VKORC1L1: variants seen among roughly 807,000 people sequenced by gnomAD.
VKORC1L1 encodes the protein vitamin K epoxide reductase complex subunit 1L1, also known as vitamin K epoxide reductase complex subunit 1-like protein 1.
Under a neutral mutation model 18.9 loss-of-function variants are expected in VKORC1L1, and 2 were observed. The observed-to-expected ratio is 0.11, with a 90% CI of 0.04 to 0.33. VKORC1L1 has a LOEUF of 0.33. VKORC1L1 is among the 10% of genes least tolerant of loss of function. The pLI is 1.00. For missense variants in VKORC1L1, 123 were observed against 224.1 expected, an observed-to-expected ratio of 0.55 and a Z score of 2.88; for synonymous variants, 96 against 100.0, an observed-to-expected ratio of 0.96 and a Z score of 0.24.
At chr7:65,866,596 C>T in the VKORC1L1 span, among the ~76,000 whole-genome samples, 1 of 152,154 alleles carries the variant, frequency 6.6e-6, no homozygotes, top group Non-Finnish European at 1.5e-5. Context: ...AACACAGAGA[C>T]AGTTAGGTTA....
chr7:65,923,402 A>G (rs1306852452), intron 1 of VKORC1L1, among the ~76,000 whole-genome samples: 5 of 151,932 alleles, frequency 3.3e-5, no homozygotes, highest in African/African-American at 1.2e-4. Context: ...CCCTGTCTCA[A>G]AAAGAAAAAA....
At chr7:65,932,697 T>A (rs1311836890) in intron 1 of VKORC1L1, among the ~76,000 whole-genome samples, 1 of 152,232 alleles carries the variant, frequency 6.6e-6, no homozygotes, top group Non-Finnish European at 1.5e-5. Context: ...CAATTTCAGT[T>A]ATTTTAAACT....
upstream of VKORC1L1, among the ~76,000 whole-genome samples, chr7:65,873,052 C>T (rs1378310145): frequency 8.9e-5 from 13 of 146,550 alleles, no homozygotes; most frequent in African/African-American, 3.2e-4. Context: ...ACCGGCCGCG[C>T]GGCGCAGCGC....
At chr7:65,885,460 GT>G (rs893201155) in intron 1 of VKORC1L1, among the ~76,000 whole-genome samples, 49 of 142,958 alleles carry the variant, frequency 3.4e-4, no homozygotes, top group African/African-American at 9.7e-4. Flanking sequence ...ATTTATAGTT[GT>G]TTTTTTTTTC....
intron 1 of VKORC1L1, among the ~76,000 whole-genome samples, chr7:65,918,324 C>T (rs1344253587): frequency 5.9e-5 from 9 of 152,204 alleles, no homozygotes. Flanking sequence ...GAGGGTTTCA[C>T]ATAAAGGACA....
At chr7:65,935,971 ATTC>A (rs1274471846) in intron 1 of VKORC1L1, among the ~76,000 whole-genome samples, 1 of 150,822 alleles carries the variant, frequency 6.6e-6, no homozygotes, top group African/African-American at 2.4e-5. Flanking sequence ...TTAAGTCTCT[ATTC>A]TTTTTTTTTT....
intron 1 of VKORC1L1, among the ~76,000 whole-genome samples, chr7:65,883,843 A>T (rs1301573825): frequency 6.6e-6 from 1 of 152,170 alleles, no homozygotes; most frequent in East Asian, 1.9e-4. Context: ...ATTTAGAAAA[A>T]TGTTCTTGTA....
rs76907666 is a variant in VKORC1L1 at position 65,933,957 on chromosome 7, C to T, written c.195-14714C>T. On this transcript the variant is annotated intron_variant, in intron 1 of 2. Coordinates refer to ENST00000360768, the MANE Select transcript of VKORC1L1 (RefSeq NM_173517.6). ...ATATAAAGATTCCTTAATCCTCCCC[C>T]GCCTTATGTTATAATTGTCATTTGT... Among the ~76,000 whole-genome samples, 991 of 152,210 alleles carry T rather than the reference C, an allele frequency of 6.5e-3. 3 individuals are homozygous for T. Among genetic ancestry groups the T allele is most frequent in the Middle Eastern group, 0.014 (4 of 294 alleles).
chr7:65,878,372 G>A (rs1788866087), intron 1 of VKORC1L1, among the ~76,000 whole-genome samples: 1 of 152,124 alleles, frequency 6.6e-6, no homozygotes, highest in African/African-American at 2.4e-5. Flanking sequence ...ACTTGAACCC[G>A]GGAGGTGGAG....
intron 1 of VKORC1L1, among the ~76,000 whole-genome samples, chr7:65,940,079 G>A (rs1025774821): frequency 1.3e-5 from 2 of 151,876 alleles, no homozygotes; most frequent in Admixed American, 6.6e-5. Flanking sequence ...GGCCGGAATG[G>A]AGCGATGTGA....
In VKORC1L1 at chr7:65,959,475, A is replaced by G. The variant is rs1369603482; in HGVS notation, c.*5175A>G. ...CTAAAGAGAAGTTGATAAAAAAAAT[A>G]CAGAAGCTCTAGATTCCTAATTGGA... On this transcript the variant is annotated 3_prime_UTR_variant, in exon 3 of 3. Transcript: ENST00000360768. 1 of 152,270 alleles carries G rather than the reference A, an allele frequency of 6.6e-6. No individual in the cohort carries two copies. Among genetic ancestry groups the G allele is most frequent in the Non-Finnish European group, 1.5e-5 (1 of 68,056 alleles). 9.4% of individuals were successfully genotyped at this position (152,270 alleles called of 1,614,324 possible).
At chr7:65,917,425 C>T (rs778354501) in intron 1 of VKORC1L1, among the ~76,000 whole-genome samples, 3 of 152,114 alleles carry the variant, frequency 2.0e-5, no homozygotes, top group Non-Finnish European at 4.4e-5. Flanking sequence ...TTCTGTCTAC[C>T]TCTCCTTCCT....
At chr7:65,886,829 G>A (rs573766767) in intron 1 of VKORC1L1, among the ~76,000 whole-genome samples, 15 of 135,402 alleles carry the variant, frequency 1.1e-4, no homozygotes, top group Non-Finnish European at 2.0e-4. Flanking sequence ...GAGCCACTGC[G>A]CCTGTCCGAG....
At chr7:65,908,941 G>A (rs1386105071) in intron 1 of VKORC1L1, among the ~76,000 whole-genome samples, 2 of 151,038 alleles carry the variant, frequency 1.3e-5, no homozygotes, top group African/African-American at 4.9e-5. Context: ...ACAAGCTCAT[G>A]TAATTTATTC....
chr7:65,892,773 C>G (rs537285342), intron 1 of VKORC1L1, among the ~76,000 whole-genome samples: 1 of 152,312 alleles, frequency 6.6e-6, no homozygotes, highest in African/African-American at 2.4e-5. Context: ...CTACCTTGGT[C>G]ATAAATCAGG....
Position 65,959,461 on chromosome 7 carries a change from T to TTGA in VKORC1L1, c.*5163_*5165dup, listed in dbSNP as rs1271580285. The stretch of plus-strand genomic sequence containing the variant: ...ATTCCTTTGAAAAACTAAAGAGAAG[T>TTGA]TGATAAAAAAAATACAGAAGCTCTA... On this transcript the variant is annotated 3_prime_UTR_variant, in exon 3 of 3. Coordinates refer to ENST00000360768, the MANE Select transcript of VKORC1L1 (RefSeq NM_173517.6). The TTGA allele has an allele frequency of 1.3e-5, 2 of 152,130 alleles. No homozygotes were observed. Among genetic ancestry groups the TTGA allele is most frequent in the African/African-American group, 4.8e-5 (2 of 41,440 alleles). 9.4% of individuals were successfully genotyped at this position (152,130 alleles called of 1,614,324 possible).
At chr7:65,929,805 T>C (rs983365997) in intron 1 of VKORC1L1, among the ~76,000 whole-genome samples, 4 of 151,226 alleles carry the variant, frequency 2.6e-5, no homozygotes, top group Non-Finnish European at 4.4e-5. Flanking sequence ...GCTGGGATTG[T>C]AGTTGTGAGC....
intron 1 of VKORC1L1, among the ~76,000 whole-genome samples, chr7:65,898,325 C>T (rs1195984203): frequency 6.6e-6 from 1 of 151,886 alleles, no homozygotes; most frequent in Non-Finnish European, 1.5e-5. Flanking sequence ...ACTTCATGAT[C>T]CACCCACCTC....
At position 65,928,833 on chromosome 7, in the gene VKORC1L1, C is replaced by T. The variant is rs370103467; in HGVS notation, c.195-19838C>T. Among the ~76,000 whole-genome samples, 19 of 152,276 alleles carry T rather than the reference C, an allele frequency of 1.2e-4. No individual in the cohort carries two copies. The South Asian group carries it at 3.7e-3, about 30-fold the overall frequency. On this transcript the variant is annotated intron_variant, in intron 1 of 2. Coordinates refer to ENST00000360768, the MANE Select transcript of VKORC1L1 (RefSeq NM_173517.6). ...GGAAACTCCCAATTTGATTTCCATACTATTTTGTGTGACCACCAGCAATGT... is the reference window on the plus strand; with the variant it reads ...GGAAACTCCCAATTTGATTTCCATATTATTTTGTGTGACCACCAGCAATGT...
Sources: allele counts gnomAD v4.1 joint callset (sites outside exome capture counted in the v4.1 genomes callset), GRCh38; gene constraint gnomAD v4.1.1; transcripts MANE v1.5; gene names NCBI Gene and HGNC (gene_info 2026-07-23, HGNC 2026-07-21).